Variants in NUP210 observed in about 807,000 individuals in gnomAD.
NUP210 encodes the protein nucleoporin 210.
In NUP210, 151 loss-of-function variants were observed where a neutral mutation model predicts 196.0. The ratio of observed to expected loss-of-function variants is 0.77; its 90% CI spans 0.67 to 0.88. The LOEUF is 0.88. Ranked by LOEUF, NUP210 falls within the 40% of genes least tolerant of loss-of-function variation. The pLI, the probability that NUP210 is intolerant of heterozygous loss-of-function variation, is 0.00. For synonymous variants in NUP210, 1,070 were observed against 1,052.7 expected, an observed-to-expected ratio of 1.02 and a Z score of -0.32; for missense variants, 2,314 against 2,493.7, an observed-to-expected ratio of 0.93 and a Z score of 1.53.
At position 13,376,362 on chromosome 3, in the gene NUP210, A is replaced by G. The variant is rs1172775201; in HGVS notation, c.1222T>C (p.Tyr408His). 17 of 1,614,208 alleles carry G rather than the reference A, an allele frequency of 1.1e-5. No individual in the cohort carries two copies. The highest frequency in any genetic ancestry group is 1.4e-5 in the Non-Finnish European group (16 of 1,180,012). ...EVLSSSQNGS[Y>H]HRIRALKRGQ... Reference sequence around the variant, plus strand: ...CTCTTTAGTGCCCTGATGCGATGGTATGACCCATTCTGGGAGGACGAGAGC... The same window carrying G: ...CTCTTTAGTGCCCTGATGCGATGGTGTGACCCATTCTGGGAGGACGAGAGC... Residue 408 changes from tyrosine to histidine, a missense_variant, in exon 10 of 40, where the codon TAC (tyrosine) becomes CAC (histidine). Transcript: ENST00000254508.
intron 1 of NUP210, among the ~76,000 whole-genome samples, chr3:13,406,520 A>C (rs1039565164): frequency 6.6e-6 from 1 of 152,214 alleles, no homozygotes; most frequent in Non-Finnish European, 1.5e-5. Flanking sequence ...ACAGGGGCTC[A>C]CTAAGCAGAA....
chr3:13,392,225 T>G (rs1699514030), intron 3 of NUP210, among the ~76,000 whole-genome samples: 1 of 152,194 alleles, frequency 6.6e-6, no homozygotes, highest in Non-Finnish European at 1.5e-5. Context: ...TTCACCCCGA[T>G]CCCTGGCCCT....
rs145012479 is a variant in NUP210, at chr3:13,316,246, C to T, written c.*1435G>A. On this transcript the variant is annotated 3_prime_UTR_variant, in exon 40 of 40. Coordinates refer to ENST00000254508, the MANE Select transcript of NUP210 (RefSeq NM_024923.4). ...ACGATCACACCCTCTTAAAAAATCACATAGAACTTTATTAAATAAACCAGT... is the reference window on the plus strand; with the variant it reads ...ACGATCACACCCTCTTAAAAAATCATATAGAACTTTATTAAATAAACCAGT... The T allele has an allele frequency of 3.3e-5, 5 of 152,378 alleles. No homozygotes were observed. The highest frequency in any genetic ancestry group is 9.6e-5 in the African/African-American group (4 of 41,588). The allele number at this position is 152,378 out of a possible 1,614,324, so 9.4% of individuals were successfully genotyped here.
intron 21 of NUP210, among the ~76,000 whole-genome samples, chr3:13,342,569 C>G (rs182330327): frequency 9.8e-5 from 15 of 152,286 alleles, no homozygotes; most frequent in Admixed American, 9.2e-4. Context: ...AGGCTGGGTA[C>G]AGCATATTAG....
At position 13,358,193 on chromosome 3, in the gene NUP210, ACCT is replaced by A. The variant is rs775048374; in HGVS notation, c.2328+26_2328+28del. 13 of 1,570,832 alleles carry A rather than the reference ACCT, an allele frequency of 8.3e-6. No homozygotes were observed. The African/African-American group carries it at 1.5e-4, about 18-fold the overall frequency. On this transcript the variant is annotated intron_variant, in intron 16 of 39. Transcript: ENST00000254508. ...TCCTGCCCAAGCGGGTGGCACCCTC[ACCT>A]CCTCCCGAGCATAGCCCACACTCAC...
rs771863660 is a variant in NUP210, at chr3:13,339,956, G to T, written c.3369C>A (p.Ser1123Arg). 1.9e-6 allele frequency: 3 copies of T among 1,614,032 alleles called. No homozygotes were observed. Among genetic ancestry groups the T allele is most frequent in the Non-Finnish European group, 2.5e-6 (3 of 1,180,038 alleles). Residue 1123 changes from serine (S) to arginine (R), a missense_variant, in exon 25 of 40, where the codon AGC becomes AGA. Transcript: ENST00000254508. ...CGAGGCCCTGTACCAGCCCAGCAGC[G>T]CTCACCAGCGCAACGCTCTCATTGC... ...SISNESVALVSAAGLVQGLAI... is the reference protein window; with the variant it reads ...SISNESVALVRAAGLVQGLAI...
At chr3:13,330,706 G>A (rs534212141) in intron 29 of NUP210, 72 bp from the exon 30 acceptor site, 1 of 1,408,378 alleles carries the variant, frequency 7.1e-7, no homozygotes, top group East Asian at 2.3e-5. Context: ...AATGCCAGGA[G>A]ATCTAAGAGT....
intron 14 of NUP210, among the ~76,000 whole-genome samples, chr3:13,365,537 C>T (rs1165895450): frequency 6.6e-6 from 1 of 152,226 alleles, no homozygotes; most frequent in Non-Finnish European, 1.5e-5. Context: ...TCTGCCATAC[C>T]ACACGGCCGC....
Position 13,353,611 on chromosome 3 carries a change from AGTGATGGCTGTG to A in NUP210, c.2559_2570del (p.Thr854_Thr857del). 1 of 1,614,148 alleles carries A rather than the reference AGTGATGGCTGTG, an allele frequency of 6.2e-7. No individual in the cohort carries two copies. The highest frequency in any genetic ancestry group is 1.7e-5 in the Admixed American group (1 of 60,024). ...ACTCCTGGTAGCCAGTGGCAGTGGCAGTGATGGCTGTGGTTCCTGATGCCTCGTGAACCAAAA... is the reference window on the plus strand; with the variant it reads ...ACTCCTGGTAGCCAGTGGCAGTGGCAGTTCCTGATGCCTCGTGAACCAAAA... On this transcript the variant is annotated inframe_deletion, in exon 18 of 40. Transcript: ENST00000254508.
chr3:13,393,965 G>A (rs1359480996), intron 3 of NUP210, among the ~76,000 whole-genome samples: 1 of 152,216 alleles, frequency 6.6e-6, no homozygotes, highest in Admixed American at 6.5e-5. Context: ...AAAGTCCAGT[G>A]TCAGGCACAG....
chr3:13,400,820 G>A (rs557761175), intron 1 of NUP210, among the ~76,000 whole-genome samples: 12 of 152,158 alleles, frequency 7.9e-5, no homozygotes, highest in Non-Finnish European at 1.6e-4. Flanking sequence ...CTTGTCTCTC[G>A]GGGCCGCACC....
At chr3:13,403,886 G>A (rs1267594364) in intron 1 of NUP210, among the ~76,000 whole-genome samples, 1 of 152,126 alleles carries the variant, frequency 6.6e-6, no homozygotes, top group Non-Finnish European at 1.5e-5. Flanking sequence ...GCTGAGCTCT[G>A]TGCAACAGGA....
chr3:13,372,044 G>A lies in NUP210; in HGVS notation c.1588-12C>T. 6.4e-7 allele frequency: 1 copy of A among 1,555,060 alleles called. No homozygotes were observed. Among genetic ancestry groups the A allele is most frequent in the Non-Finnish European group, 8.7e-7 (1 of 1,147,328 alleles). ...TCGATCACATACACCTGGAAGACAG[G>A]GGCATGGCCTGGGCTCAGCTGCCTC... On this transcript the variant is annotated splice_polypyrimidine_tract_variant and intron_variant, in intron 12 of 39. Transcript: ENST00000254508.
chr3:13,353,555 G>A lies in NUP210; in HGVS notation c.2627C>T (p.Pro876Leu), dbSNP rs767388972. 66 of 1,613,136 alleles carry A rather than the reference G, an allele frequency of 4.1e-5. No individual in the cohort carries two copies. Among genetic ancestry groups the A allele is most frequent in the Admixed American group, 2.8e-4 (17 of 59,988 alleles). ...CCACCACTGGGCCCTGGGAGATACC[G>A]GCTGCTTTGTTCTGGCAGAGCTGAG... ...SHLSSARTKQ[P>L]HDPLVPLSAS... Residue 876 changes from proline (P) to leucine (L), a missense_variant and splice_region_variant, in exon 18 of 40, where the codon CCG becomes CTG. Physicochemically the swap from Pro to Leu is moderately conservative, Grantham distance 98. Transcript: ENST00000254508.
chr3:13,341,753 T>C lies in NUP210; in HGVS notation c.3223A>G (p.Ile1075Val), dbSNP rs1295320326. The change falls in exon 23 of 40, where the codon ATT (isoleucine) becomes GTT (valine). Residue 1075 changes from isoleucine (I) to valine (V), a missense_variant. Transcript: ENST00000254508. ...GTGGGAAGAACTCGTCTTACTTCAA[T>C]CTGTTGTGGGGCTGAGTTGATTCTC... ...GQRINSAPQQ[I>V]EVFPPFRLMP... The C allele has an allele frequency of 1.9e-6, 3 of 1,614,088 alleles. No individual in the cohort carries two copies. Among genetic ancestry groups the C allele is most frequent in the Non-Finnish European group, 2.5e-6 (3 of 1,180,042 alleles).
In NUP210 at chr3:13,323,199, T is replaced by G; in HGVS notation, c.4768+110A>C. On this transcript the variant is annotated intron_variant, in intron 34 of 39. Coordinates refer to ENST00000254508, the MANE Select transcript of NUP210 (RefSeq NM_024923.4). This position sits in a 1 kb window ranked among gnomAD's most constrained non-coding sequence, Gnocchi z 4.3. ...TGGGGGCTAAATGCCCTCTCTGGAG[T>G]TGGTGTGAGTGTGAATAGGAGAAGC... 1 of 1,345,164 alleles carries G rather than the reference T, an allele frequency of 7.4e-7. No homozygotes were observed. The highest frequency in any genetic ancestry group is 1.0e-6 in the Non-Finnish European group (1 of 975,924). The allele number at this position is 1,345,164 out of a possible 1,614,324, so 83.3% of individuals were successfully genotyped here.
Position 13,371,965 on chromosome 3 carries a change from G to T in NUP210, c.1655C>A (p.Ala552Asp), listed in dbSNP as rs761067650. ...PCQVEARVGQ[A>D]LELPLRISGL... ...ACTGATCCTCAGGGGCAGCTCCAGG[G>T]CCTGGCCCACACGTGCCTCCACCTG... Residue 552 changes from alanine (A) to aspartate (D), a missense_variant, in exon 13 of 40, where the codon GCC becomes GAC. Ala to Asp is a moderately radical substitution (Grantham distance 126, BLOSUM62 -2). Coordinates refer to ENST00000254508, the MANE Select transcript of NUP210 (RefSeq NM_024923.4). 3 of 1,603,638 alleles carry T rather than the reference G, an allele frequency of 1.9e-6. No homozygotes were observed. The highest frequency in any genetic ancestry group is 2.6e-6 in the Non-Finnish European group (3 of 1,175,316).
intron 18 of NUP210, 92 bp downstream of exon 18, chr3:13,353,462 C>A (rs1013003737): frequency 3.7e-6 from 4 of 1,068,010 alleles, no homozygotes; most frequent in Non-Finnish European, 5.8e-6. Flanking sequence ...GACAGTGACT[C>A]AGGACACTGT....
chr3:13,352,204 C>T lies in NUP210; in HGVS notation c.2629-20G>A, dbSNP rs1393816620. 1.9e-6 allele frequency: 3 copies of T among 1,570,662 alleles called. No homozygotes were observed. The highest frequency in any genetic ancestry group is 2.6e-6 in the Non-Finnish European group (3 of 1,142,058). ...GTCATGCTGAAGGACAAGGGCAAGG[C>T]CATTAGATCCAGGAGGACATGATTA... On this transcript the variant is annotated intron_variant, in intron 18 of 39. Coordinates refer to ENST00000254508, the MANE Select transcript of NUP210 (RefSeq NM_024923.4).
Sources: allele counts gnomAD v4.1 joint callset (sites outside exome capture counted in the v4.1 genomes callset), GRCh38; gene constraint gnomAD v4.1.1; non-coding constraint Gnocchi (gnomAD v3.1); transcripts MANE v1.5; gene names NCBI Gene and HGNC (gene_info 2026-07-23, HGNC 2026-07-21).